The following UNC13B variants were observed in gnomAD, a reference collection of about 807,000 sequenced individuals.
UNC13B encodes the protein unc-13 homolog B, also known as protein unc-13 homolog B.
In UNC13B, 144 loss-of-function variants were observed where a neutral mutation model predicts 211.0. The ratio of observed to expected loss-of-function variants is 0.68; its 90% confidence interval spans 0.60 to 0.78. The LOEUF is 0.78. Among genes scored for constraint, UNC13B ranks in the 30% least tolerant of loss-of-function variants. The pLI is 0.00. For missense variants in UNC13B, 1,777 were observed against 2,002.0 expected (o/e 0.89, Z 2.14); for synonymous variants, 709 against 725.8 (o/e 0.98, Z 0.37).
chr9:35,260,837 G>A (rs773185289), intron 7 of UNC13B, among the ~76,000 whole-genome samples: 59 of 152,040 alleles, frequency 3.9e-4, no homozygotes, highest in African/African-American at 4.8e-4. Flanking sequence ...CTTTTTCCAC[G>A]ACTGCTAATG....
At chr9:35,213,451 G>A (rs574340103) in intron 1 of UNC13B, among the ~76,000 whole-genome samples, 2 of 152,274 alleles carry the variant, frequency 1.3e-5, no homozygotes, top group African/African-American at 4.8e-5. Flanking sequence ...CCAGAACTGT[G>A]AGAAATAAAT....
chr9:35,282,856 GT>G (rs1828584190), intron 7 of UNC13B, among the ~76,000 whole-genome samples: 1 of 152,068 alleles, frequency 6.6e-6, no homozygotes, highest in African/African-American at 2.4e-5. Flanking sequence ...GACTTACAGA[GT>G]TTTTTACATT....
intron 1 of UNC13B, among the ~76,000 whole-genome samples, chr9:35,191,759 T>C (rs1822672237): frequency 6.6e-6 from 1 of 152,204 alleles, no homozygotes; most frequent in South Asian, 2.1e-4. Flanking sequence ...TGCCACGTGG[T>C]TACACGTCAT....
chr9:35,184,144 G>A (rs1023722548), intron 1 of UNC13B, among the ~76,000 whole-genome samples: 41 of 135,552 alleles, frequency 3.0e-4, no homozygotes, highest in African/African-American at 1.0e-3. Context: ...TCCTCACTTC[G>A]CAGACAGGGT....
rs1829768516 is a variant in UNC13B at position 35,303,177 on chromosome 9, A to G, written c.3773A>G (p.Asn1258Ser). Residue 1258 changes from asparagine to serine, a missense_variant, in exon 9 of 40, where the codon AAC becomes AGC. Transcript: ENST00000635942. ...GAAGCCTCCTTATTACCTAAAGAAA[A>G]CATACCATTATCTGATGCTGGGGAT... The part of the protein sequence containing the change: ...FIEASLLPKE[N>S]IPLSDAGDDN... The G allele has an allele frequency of 7.5e-6, 3 of 398,588 alleles. No individual in the cohort carries two copies. Among genetic ancestry groups the G allele is most frequent in the South Asian group, 1.3e-4 (1 of 7,856 alleles). The allele number at this position is 398,588 out of a possible 1,614,324, so 24.7% of individuals were successfully genotyped here.
At chr9:35,163,964 G>A (rs1286111790) in intron 1 of UNC13B, among the ~76,000 whole-genome samples, 1 of 152,192 alleles carries the variant, frequency 6.6e-6, no homozygotes, top group Admixed American at 6.5e-5. Context: ...GAATGGCAAA[G>A]TATTCATTTT....
In UNC13B at chr9:35,257,852, A is replaced by G. The variant is rs1224706659; in HGVS notation, c.469-1141A>G. 3.3e-5 allele frequency among the ~76,000 whole-genome samples: 5 copies of G among 152,244 alleles called. No individual in the cohort carries two copies. In the East Asian group the frequency reaches 9.6e-4, roughly 29 times the overall value. On this transcript the variant is annotated intron_variant, in intron 6 of 39. Transcript: ENST00000635942. Reference sequence around the variant, plus strand: ...TCATAAGAGTGTTACGTACAACACCATCAACTTTTGTCTGGATTATTGCAA... The same window carrying G: ...TCATAAGAGTGTTACGTACAACACCGTCAACTTTTGTCTGGATTATTGCAA...
chr9:35,386,147 T>A lies in UNC13B; in HGVS notation c.10966-18T>A, dbSNP rs750891088. 6.2e-7 allele frequency: 1 copy of A among 1,614,008 alleles called. No individual in the cohort carries two copies. Among genetic ancestry groups the A allele is most frequent in the Admixed American group, 1.7e-5 (1 of 60,010 alleles). ...GTGAGCAGGTCCTTGGGCCCATATT[T>A]CTTCTTTTAATTGGCAGGTACAAGA... On this transcript the variant is annotated intron_variant, in intron 23 of 39. Transcript: ENST00000635942.
intron 1 of UNC13B, among the ~76,000 whole-genome samples, chr9:35,197,073 A>G (rs1288765602): frequency 6.6e-6 from 1 of 152,148 alleles, no homozygotes; most frequent in Non-Finnish European, 1.5e-5. Flanking sequence ...ACCTGGCCTA[A>G]ATATTTATTT....
chr9:35,183,624 C>T (rs1226106587), intron 1 of UNC13B, among the ~76,000 whole-genome samples: 9 of 128,296 alleles, frequency 7.0e-5, no homozygotes, highest in African/African-American at 9.0e-5. Context: ...ACGGGGCGGC[C>T]GGGCAGAGGC....
intron 7 of UNC13B, among the ~76,000 whole-genome samples, chr9:35,279,321 T>C (rs1828353841): frequency 6.6e-6 from 1 of 152,256 alleles, no homozygotes; most frequent in South Asian, 2.1e-4. Flanking sequence ...CTGGTTTATT[T>C]AGCAGCATAA....
At chr9:35,328,675 C>T (rs1169413409) in intron 11 of UNC13B, among the ~76,000 whole-genome samples, 1 of 138,634 alleles carries the variant, frequency 7.2e-6, no homozygotes, top group Non-Finnish European at 1.5e-5. Flanking sequence ...TCCCTCCCTT[C>T]CTTCCCTTCC....
At chr9:35,347,355 G>T (rs1832423822) in intron 11 of UNC13B, among the ~76,000 whole-genome samples, 1 of 152,194 alleles carries the variant, frequency 6.6e-6, no homozygotes, top group Non-Finnish European at 1.5e-5. Flanking sequence ...AACTGACTTG[G>T]AGATCAAATG....
At chr9:35,266,821 T>C (rs1177846230) in intron 7 of UNC13B, among the ~76,000 whole-genome samples, 1 of 152,236 alleles carries the variant, frequency 6.6e-6, no homozygotes, top group Non-Finnish European at 1.5e-5. Flanking sequence ...CTGTTTTTTA[T>C]CCCCCATTTT....
At chr9:35,247,264 G>A (rs1243351902) in intron 6 of UNC13B, among the ~76,000 whole-genome samples, 1 of 152,112 alleles carries the variant, frequency 6.6e-6, no homozygotes, top group African/African-American at 2.4e-5. Flanking sequence ...CTGAGACAGT[G>A]GGGTTTTCTA....
intron 22 of UNC13B, 86 bp downstream of exon 22, chr9:35,384,400 T>C: frequency 6.5e-7 from 1 of 1,535,368 alleles, no homozygotes; most frequent in Middle Eastern, 2.4e-4. Flanking sequence ...CTATAAAGAT[T>C]GAGGCCAGGG....
At chr9:35,378,886 G>T (rs2132240101) in intron 17 of UNC13B, among the ~76,000 whole-genome samples, 1 of 152,236 alleles carries the variant, frequency 6.6e-6, no homozygotes, top group South Asian at 2.1e-4. Flanking sequence ...GTGGAAATCT[G>T]GGTTCTGAAG....
At chr9:35,387,736 G>A (rs531773392) in intron 24 of UNC13B, among the ~76,000 whole-genome samples, 15 of 151,938 alleles carry the variant, frequency 9.9e-5, no homozygotes, top group East Asian at 9.7e-4. Flanking sequence ...TGGTTTATTC[G>A]TCCATTCATT....
chr9:35,313,816 A>T, intron 10 of UNC13B, 83 bp from the exon 11 acceptor site: 2 of 1,091,974 alleles, frequency 1.8e-6, no homozygotes, highest in Non-Finnish European at 2.8e-6. Flanking sequence ...ATTTTATTTT[A>T]GACATTTGGC....
Sources: allele counts gnomAD v4.1 joint callset (sites outside exome capture counted in the v4.1 genomes callset), GRCh38; gene constraint gnomAD v4.1.1; transcripts MANE v1.5; gene names NCBI Gene and HGNC (gene_info 2026-07-23, HGNC 2026-07-21).